The following ARL6IP6 variants were observed in gnomAD, a reference collection of about 807,000 sequenced individuals.
ARL6IP6 encodes ARF like GTPase 6 interacting protein 6, also known as ADP-ribosylation factor-like protein 6-interacting protein 6.
A neutral mutation model predicts 21.5 loss-of-function variants in ARL6IP6; 22 were observed. The ratio of observed to expected loss-of-function variants is 1.02; its 90% CI spans 0.73 to 1.46. The LOEUF (loss-of-function observed/expected upper bound fraction) is 1.46. Among genes scored for constraint, ARL6IP6 ranks in the 40% most tolerant of loss-of-function variants. ARL6IP6 has a pLI of 0.00. For synonymous variants in ARL6IP6, 164 were observed against 125.3 expected (o/e 1.31, Z -2.06); for missense variants, 388 against 299.8 (o/e 1.29, Z -2.17).
chr2:152,737,829 A>G (rs1700620027), intron 3 of ARL6IP6, among the ~76,000 whole-genome samples: 1 of 152,044 alleles, frequency 6.6e-6, no homozygotes, highest in Non-Finnish European at 1.5e-5. Context: ...CAGCCAAACC[A>G]TGTCATTCTG....
At chr2:152,737,790 G>A (rs2105137316) in intron 3 of ARL6IP6, among the ~76,000 whole-genome samples, 1 of 152,218 alleles carries the variant, frequency 6.6e-6, no homozygotes. Context: ...TATGGGAACT[G>A]CAATTCAAGA....
At chr2:152,731,991 T>C (rs1700337834) in intron 2 of ARL6IP6, among the ~76,000 whole-genome samples, 1 of 152,134 alleles carries the variant, frequency 6.6e-6, no homozygotes, top group Admixed American at 6.5e-5. Flanking sequence ...TATAGCTGCA[T>C]AGTATTCTAT....
intron 3 of ARL6IP6, among the ~76,000 whole-genome samples, chr2:152,746,821 C>CTTTTTTTTTTTTTTTT (rs61506535): frequency 1.5e-4 from 5 of 33,082 alleles, no homozygotes; most frequent in Non-Finnish European, 2.2e-4. Context: ...TTTATCCTTT[C>CTTTTTTTTTTTTTTTT]TTTTTTTTTT....
chr2:152,760,833 G>T lies in ARL6IP6; in HGVS notation c.*993G>T, dbSNP rs2105203548. The T allele has an allele frequency of 1.3e-5, 2 of 151,568 alleles. No homozygotes were observed. The highest frequency in any genetic ancestry group is 4.2e-4 in the South Asian group (2 of 4,786). 9.4% of individuals were successfully genotyped at this position (151,568 alleles called of 1,614,324 possible). On this transcript the variant is annotated 3_prime_UTR_variant, in exon 4 of 4. Coordinates refer to ENST00000326446, the MANE Select transcript of ARL6IP6 (RefSeq NM_152522.7). ...AAAATTTAGTTACCAAAGTAGAAAAGGTATTTTGATACTAGATATTAAAAA... is the reference window on the plus strand; with the variant it reads ...AAAATTTAGTTACCAAAGTAGAAAATGTATTTTGATACTAGATATTAAAAA...
chr2:152,727,288 A>C (rs900314388), intron 2 of ARL6IP6, among the ~76,000 whole-genome samples: 5 of 152,268 alleles, frequency 3.3e-5, no homozygotes, highest in African/African-American at 1.2e-4. Flanking sequence ...GAGTAATGGT[A>C]TAAAGAAAAA....
At chr2:152,724,571 A>G (rs1169659376) in intron 2 of ARL6IP6, among the ~76,000 whole-genome samples, 4 of 152,244 alleles carry the variant, frequency 2.6e-5, no homozygotes, top group South Asian at 2.1e-4. Context: ...TTCTTAACAC[A>G]TAAAAGCAGT....
rs200604492 is a variant in ARL6IP6, at chr2:152,750,488, A to AAG, written c.588-9243_588-9242dup. Among the ~76,000 whole-genome samples, 651 of 150,070 alleles carry AAG rather than the reference A, an allele frequency of 4.3e-3. 4 individuals carry two copies. Among genetic ancestry groups the AAG allele is most frequent in the South Asian group, 0.014 (66 of 4,762 alleles). ...AAGACTCTGTCCAAAAAAAAAAAAAAAGAGAGAGAGAGAGAGAAAGGAAGG... is the reference window on the plus strand; with the variant it reads ...AAGACTCTGTCCAAAAAAAAAAAAAAAGAGAGAGAGAGAGAGAGAAAGGAAGG... On this transcript the variant is annotated intron_variant, in intron 3 of 3. Coordinates refer to ENST00000326446, the MANE Select transcript of ARL6IP6 (RefSeq NM_152522.7).
rs776807699 is a variant in ARL6IP6, at chr2:152,718,670, G to A, written c.46G>A (p.Gly16Ser). 11 of 1,571,866 alleles carry A rather than the reference G, an allele frequency of 7.0e-6. No homozygotes were observed. In the Admixed American group the frequency reaches 1.3e-4, roughly 19 times the overall value. Residue 16 changes from glycine to serine, a missense_variant, in exon 1 of 4, where the codon GGT (glycine) becomes AGT (serine). By Grantham distance (56) the Gly-to-Ser change is moderately conservative (BLOSUM62 0). Coordinates refer to ENST00000326446, the MANE Select transcript of ARL6IP6 (RefSeq NM_152522.7). Reference protein sequence around the residue: ...SGWRSALRRRGPGTPGPVARP... With the variant: ...SGWRSALRRRSPGTPGPVARP... ...GTGGCGGTCGGCTCTGCGGCGCCGCGGTCCCGGCACCCCGGGCCCTGTGGC... is the reference window on the plus strand; with the variant it reads ...GTGGCGGTCGGCTCTGCGGCGCCGCAGTCCCGGCACCCCGGGCCCTGTGGC...
rs1333188795 is a variant in ARL6IP6 at position 152,760,034 on chromosome 2, G to A, written c.*194G>A. On this transcript the variant is annotated 3_prime_UTR_variant, in exon 4 of 4. Transcript: ENST00000326446. ...TAGAATGTCTGAGTATTAAGATACA[G>A]ATTAATTGGGAATATCTGAGTATTA... 1 of 492,232 alleles carries A rather than the reference G, an allele frequency of 2.0e-6. No homozygotes were observed. The highest frequency in any genetic ancestry group is 1.9e-5 in the African/African-American group (1 of 51,518). The allele number at this position is 492,232 out of a possible 1,614,324, so 30.5% of individuals were successfully genotyped here.
intron 2 of ARL6IP6, among the ~76,000 whole-genome samples, chr2:152,733,795 T>C (rs1034653639): frequency 1.3e-5 from 2 of 152,218 alleles, no homozygotes; most frequent in African/African-American, 2.4e-5. Context: ...TATATAGTTA[T>C]CTTGTTAATT....
intron 3 of ARL6IP6, among the ~76,000 whole-genome samples, chr2:152,753,093 C>G (rs1358133017): frequency 6.6e-6 from 1 of 151,978 alleles, no homozygotes; most frequent in African/African-American, 2.4e-5. Flanking sequence ...GAGCCATGAT[C>G]ATGCCACTGC....
intron 2 of ARL6IP6, among the ~76,000 whole-genome samples, chr2:152,728,360 C>T (rs1004034383): frequency 2.0e-5 from 3 of 152,114 alleles, no homozygotes; most frequent in Admixed American, 6.5e-5. Flanking sequence ...AAACCTTTCC[C>T]TAGTATAGGA....
intron 2 of ARL6IP6, chr2:152,732,426 T>A (rs1318937923): frequency 6.0e-6 from 2 of 333,124 alleles, no homozygotes; most frequent in African/African-American, 4.5e-5. Context: ...GGTATTGAAT[T>A]GAGCATCTGT....
At chr2:152,729,336 G>C (rs1285302081) in intron 2 of ARL6IP6, among the ~76,000 whole-genome samples, 1 of 1,706 alleles carries the variant, frequency 5.9e-4, no homozygotes, top group African/African-American at 6.1e-4. Flanking sequence ...GACTTTGTCT[G>C]TGTGTGTGTG....
chr2:152,725,863 A>G (rs918124441), intron 2 of ARL6IP6, among the ~76,000 whole-genome samples: 4 of 152,216 alleles, frequency 2.6e-5, no homozygotes, highest in Non-Finnish European at 5.9e-5. Context: ...TCTTATGAAA[A>G]TTTTTAACAA....
In ARL6IP6 at chr2:152,720,621, G is replaced by A. The variant is rs772384653; in HGVS notation, c.454+35G>A. 6 of 1,573,540 alleles carry A rather than the reference G, an allele frequency of 3.8e-6. No homozygotes were observed. In the East Asian group the frequency reaches 1.1e-4, roughly 29 times the overall value. On this transcript the variant is annotated intron_variant, in intron 2 of 3. Coordinates refer to ENST00000326446, the MANE Select transcript of ARL6IP6 (RefSeq NM_152522.7). ...TAATTGCCGCTTGCTTTGGTTTTGA[G>A]CTCACGTTTGTGTTTCTAGATCATG...
rs1166199942 is a variant in ARL6IP6, at chr2:152,718,748, G to A, written c.124G>A (p.Val42Ile). Residue 42 changes from valine to isoleucine, a missense_variant, in exon 1 of 4, where the codon GTC becomes ATC. Coordinates refer to ENST00000326446, the MANE Select transcript of ARL6IP6 (RefSeq NM_152522.7). Reference sequence around the variant, plus strand: ...GGGGGACAGCTGGGGTGAAGGCGAAGTCGACGAGGAGGAGGGATGCGACCA... The same window carrying A: ...GGGGGACAGCTGGGGTGAAGGCGAAATCGACGAGGAGGAGGGATGCGACCA... ...TQGDSWGEGE[V>I]DEEEGCDQVA... 14 of 1,610,960 alleles carry A rather than the reference G, an allele frequency of 8.7e-6. No homozygotes were observed. Among genetic ancestry groups the A allele is most frequent in the Non-Finnish European group, 1.2e-5 (14 of 1,178,586 alleles).
Position 152,720,104 on chromosome 2 carries a change from C to CATGG in ARL6IP6, c.401-428_401-427insTGGA. 2.2e-3 allele frequency: 42 copies of CATGG among 19,100 alleles called. 1 individual carries two copies. The highest frequency in any genetic ancestry group is 2.7e-3 in the Non-Finnish European group (23 of 8,588). 1.2% of individuals were successfully genotyped at this position (19,100 alleles called of 1,614,324 possible). A position where few individuals can be genotyped will look rare whatever the true frequency, so the allele number is the denominator to read the frequency against. ...CTCCCCACTTTTTTGCCCTTTTTTG[C>CATGG]AATTCTGATAGTTTTGTCTCCTAGG... is the stretch of plus-strand genomic sequence containing the variant. On this transcript the variant is annotated intron_variant, in intron 1 of 3. Coordinates refer to ENST00000326446, the MANE Select transcript of ARL6IP6 (RefSeq NM_152522.7).
At chr2:152,718,178 A>G, upstream of ARL6IP6, 1 of 629,590 alleles carries the variant, frequency 1.6e-6, no homozygotes, top group Non-Finnish European at 2.0e-6. Flanking sequence ...GTGGGGAAGA[A>G]GGGAGAAGAC....
Sources: gnomAD v4.1 joint callset for allele counts (sites outside exome capture counted in the v4.1 genomes callset) on GRCh38, gnomAD v4.1.1 for gene constraint, MANE v1.5 for transcripts, NCBI Gene and HGNC (gene_info 2026-07-23, HGNC 2026-07-21) for gene names.